The following LIPK variants were observed in gnomAD, a reference collection of about 807,000 sequenced individuals.
The protein encoded by LIPK is lipase family member K.
A neutral mutation model predicts 48.6 loss-of-function variants in LIPK; 32 were observed. That is an observed-to-expected ratio of 0.66 (90% CI 0.50 to 0.88). The LOEUF (loss-of-function observed/expected upper bound fraction) is 0.88. Among genes scored for constraint, LIPK ranks in the 40% least tolerant of loss-of-function variants. The pLI is 0.00. For missense variants in LIPK, 507 were observed against 478.5 expected (o/e 1.06, Z -0.56); for synonymous variants, 164 against 157.4 (o/e 1.04, Z -0.32).
intron 9 of LIPK, among the ~76,000 whole-genome samples, chr10:88,749,497 TAAC>T (rs1011030399): frequency 6.6e-6 from 1 of 152,072 alleles, no homozygotes; most frequent in African/African-American, 2.4e-5. Flanking sequence ...AAGTTGACAA[TAAC>T]AAGCAATGGG....
chr10:88,721,528 G>A (rs1183999991), intron 1 of LIPK, among the ~76,000 whole-genome samples: 2 of 152,172 alleles, frequency 1.3e-5, no homozygotes, highest in African/African-American at 2.4e-5. Flanking sequence ...ACAAAACAAA[G>A]GCAGCTGATG....
intron 7 of LIPK, among the ~76,000 whole-genome samples, chr10:88,738,033 T>C (rs933696855): frequency 4.6e-5 from 7 of 152,226 alleles, no homozygotes; most frequent in Admixed American, 2.0e-4. Flanking sequence ...ATAAAGGCTA[T>C]GGTTTTGATA....
At chr10:88,746,696 A>C (rs1399109674) in intron 9 of LIPK, among the ~76,000 whole-genome samples, 2 of 152,188 alleles carry the variant, frequency 1.3e-5, no homozygotes, top group Non-Finnish European at 2.9e-5. Flanking sequence ...ACCTAACATC[A>C]CACCTAGAGA....
At chr10:88,720,715 G>GCACA (rs3068334) in intron 1 of LIPK, among the ~76,000 whole-genome samples, 105,384 of 150,068 alleles carry the variant, frequency 0.7, 37,555 homozygotes, top group East Asian at 0.97. Flanking sequence ...CAAGTTTTAT[G>GCACA]CACACACACA....
chr10:88,728,541 G>T, intron 3 of LIPK: 1 of 346,212 alleles, frequency 2.9e-6, no homozygotes, highest in Admixed American at 3.0e-5. Context: ...GCTGGAGGCC[G>T]CCCTATAGCG....
chr10:88,748,628 A>G (rs900034550), intron 9 of LIPK, among the ~76,000 whole-genome samples: 4 of 151,358 alleles, frequency 2.6e-5, no homozygotes, highest in African/African-American at 9.7e-5. Context: ...AAAAAAAAAA[A>G]AAAAGAAAAC....
intron 9 of LIPK, 77 bp downstream of exon 9, chr10:88,743,398 G>T (rs34204753): frequency 1.4e-5 from 15 of 1,039,988 alleles, no homozygotes; most frequent in Non-Finnish European, 2.0e-5. Context: ...TGAAGCACCT[G>T]CCACTTCCAT....
chr10:88,716,870 AT>A (rs35326126), intron 1 of LIPK, among the ~76,000 whole-genome samples: 57,701 of 151,660 alleles, frequency 0.38, 11,416 homozygotes, highest in East Asian at 0.57. Context: ...ATGGATTTGG[AT>A]TTTTTTTTCT....
intron 3 of LIPK, among the ~76,000 whole-genome samples, chr10:88,730,336 C>A (rs1244145024): frequency 6.6e-6 from 1 of 152,142 alleles, no homozygotes; most frequent in African/African-American, 2.4e-5. Flanking sequence ...GTCGCCCAGG[C>A]TGGAGTGCAG....
intron 1 of LIPK, among the ~76,000 whole-genome samples, chr10:88,722,185 T>C (rs922576733): frequency 1.3e-5 from 2 of 152,102 alleles, no homozygotes; most frequent in African/African-American, 4.8e-5. Context: ...ATCCCAGCTA[T>C]TCCGGGGGCT....
At chr10:88,728,517 G>A in intron 3 of LIPK, 1 of 287,078 alleles carries the variant, frequency 3.5e-6, no homozygotes, top group Admixed American at 3.6e-5. Flanking sequence ...AGGACTCAAC[G>A]CTGAGCCTGC....
chr10:88,714,540 T>A (rs1253041796), intron 1 of LIPK, among the ~76,000 whole-genome samples: 5 of 152,192 alleles, frequency 3.3e-5, no homozygotes, highest in African/African-American at 1.2e-4. Context: ...TCCATGCACG[T>A]GGAAATATTT....
intron 1 of LIPK, among the ~76,000 whole-genome samples, chr10:88,715,867 G>A (rs1444697681): frequency 6.7e-6 from 1 of 150,308 alleles, no homozygotes; most frequent in Admixed American, 6.7e-5. Flanking sequence ...TTAGCATTCT[G>A]TCATGATTCC....
At chr10:88,737,255 T>TA (rs1451168306) in intron 6 of LIPK, among the ~76,000 whole-genome samples, 1 of 152,220 alleles carries the variant, frequency 6.6e-6, no homozygotes, top group Non-Finnish European at 1.5e-5. Flanking sequence ...ACAACAGCCC[T>TA]ACCCAGTAGA....
chr10:88,716,508 C>A (rs572312378), intron 1 of LIPK, among the ~76,000 whole-genome samples: 136 of 151,914 alleles, frequency 9.0e-4, no homozygotes, highest in Non-Finnish European at 1.5e-3. Context: ...CAGGCGTGTG[C>A]CACCACAACT....
chr10:88,737,244 C>A (rs1008451785), intron 6 of LIPK, among the ~76,000 whole-genome samples: 29 of 152,200 alleles, frequency 1.9e-4, no homozygotes, highest in Non-Finnish European at 4.4e-5. Context: ...CTACTAACTT[C>A]ACAACAGCCC....
intron 3 of LIPK, chr10:88,728,530 A>G: frequency 9.3e-6 from 3 of 322,368 alleles, no homozygotes; most frequent in South Asian, 5.7e-5. Context: ...GAGCCTGCAG[A>G]GCTGGAGGCC....
At chr10:88,746,018 CA>C (rs1842759837) in intron 9 of LIPK, among the ~76,000 whole-genome samples, 2 of 152,054 alleles carry the variant, frequency 1.3e-5, no homozygotes, top group African/African-American at 4.8e-5. Flanking sequence ...AAACAATTAT[CA>C]AAAGGAACAG....
intron 3 of LIPK, among the ~76,000 whole-genome samples, chr10:88,729,655 T>C (rs183216335): frequency 2.6e-4 from 40 of 152,348 alleles, no homozygotes; most frequent in African/African-American, 9.4e-4. Flanking sequence ...CAAAGAGGCC[T>C]GATGGTACTT....
Sources: allele counts gnomAD v4.1 joint callset (sites outside exome capture counted in the v4.1 genomes callset), GRCh38; gene constraint gnomAD v4.1.1; transcripts MANE v1.5; gene names NCBI Gene and HGNC (gene_info 2026-07-23, HGNC 2026-07-21).